HMBOX1: variants seen among roughly 807,000 people sequenced by gnomAD.
The protein encoded by HMBOX1 is homeobox containing 1.
HMBOX1 carries 14 observed loss-of-function variants against 54.5 expected under a neutral mutation model. The ratio of observed to expected loss-of-function variants is 0.26; its 90% CI spans 0.17 to 0.40. The LOEUF (loss-of-function observed/expected upper bound fraction) is 0.40, where lower values mean the gene tolerates loss of function less well. Ranked by LOEUF, HMBOX1 falls within the 10% of genes least tolerant of loss-of-function variation. HMBOX1 has a pLI of 1.00. For synonymous variants in HMBOX1, 160 were observed against 181.0 expected (o/e 0.88, Z 0.93); for missense variants, 332 against 514.4 (o/e 0.65, Z 3.43).
intron 1 of HMBOX1, among the ~76,000 whole-genome samples, chr8:28,937,748 T>G (rs751098312): frequency 2.0e-5 from 3 of 152,210 alleles, no homozygotes; most frequent in Non-Finnish European, 2.9e-5. Flanking sequence ...CTAGAAAATG[T>G]GATCGATCAT....
chr8:28,980,563 T>TA (rs1373239422), intron 4 of HMBOX1, among the ~76,000 whole-genome samples: 1 of 152,136 alleles, frequency 6.6e-6, no homozygotes, highest in East Asian at 1.9e-4. Flanking sequence ...AAGAAAGTTG[T>TA]TTTTTAAACC....
intron 5 of HMBOX1, chr8:29,010,131 G>T (rs1834036252): frequency 1.0e-6 from 1 of 979,288 alleles, no homozygotes; most frequent in African/African-American, 1.7e-5. Flanking sequence ...AAACAGAAAA[G>T]AACCTATCAA....
At chr8:28,926,248 T>C (rs1415919862) in intron 1 of HMBOX1, among the ~76,000 whole-genome samples, 1 of 151,584 alleles carries the variant, frequency 6.6e-6, no homozygotes, top group Non-Finnish European at 1.5e-5. Context: ...TGTGACTTTA[T>C]TAGAGATAAA....
At chr8:28,927,736 A>G (rs560551929) in intron 1 of HMBOX1, among the ~76,000 whole-genome samples, 11 of 151,066 alleles carry the variant, frequency 7.3e-5, no homozygotes, top group Admixed American at 6.6e-4. Flanking sequence ...AACAACTTTT[A>G]TAAAAAACTA....
At chr8:28,964,442 T>C (rs770219118) in intron 2 of HMBOX1, among the ~76,000 whole-genome samples, 31 of 152,310 alleles carry the variant, frequency 2.0e-4, no homozygotes, top group Non-Finnish European at 3.5e-4. Flanking sequence ...AGAGTGTTTT[T>C]GTGCTAGGAT....
chr8:29,031,608 C>T (rs910062244), intron 6 of HMBOX1, among the ~76,000 whole-genome samples: 1 of 151,728 alleles, frequency 6.6e-6, no homozygotes, highest in African/African-American at 2.4e-5. Flanking sequence ...CCAGGCCCTA[C>T]CCTCTTACTC....
chr8:29,051,789 C>T lies in HMBOX1; in HGVS notation c.*634C>T. The T allele has an allele frequency of 1.8e-6, 1 of 548,518 alleles. No individual in the cohort carries two copies. The highest frequency in any genetic ancestry group is 3.3e-6 in the Non-Finnish European group (1 of 298,514). The allele number at this position is 548,518 out of a possible 1,614,324, so 34.0% of individuals were successfully genotyped here. A position where few individuals can be genotyped will look rare whatever the true frequency, so the allele number is the denominator to read the frequency against. ...TCAGATTTTGTTTGAAGTTAACATG[C>T]CTGACACAGACATCCTTTCCTCTCA... On this transcript the variant is annotated 3_prime_UTR_variant, in exon 10 of 10. Coordinates refer to ENST00000287701, the MANE Select transcript of HMBOX1 (RefSeq NM_001135726.3).
chr8:28,996,509 T>C lies in HMBOX1; in HGVS notation c.587-12563T>C, dbSNP rs190373242. ...TGGCGCATGTCTGTAATCCCAGCTA[T>C]TTGGGAGGCTGAGGAAGGAGAATCA... On this transcript the variant is annotated intron_variant, in intron 4 of 9. Transcript: ENST00000287701. Among the ~76,000 whole-genome samples, 670 of 152,176 alleles carry C rather than the reference T, an allele frequency of 4.4e-3. 2 individuals are homozygous for C. The highest frequency in any genetic ancestry group is 5.8e-3 in the Non-Finnish European group (393 of 67,980).
chr8:28,968,483 A>G (rs987309030), intron 2 of HMBOX1, among the ~76,000 whole-genome samples: 2 of 152,246 alleles, frequency 1.3e-5, no homozygotes, highest in African/African-American at 4.8e-5. Flanking sequence ...GTGAAGTACA[A>G]AACTACACTG....
chr8:28,946,309 C>T (rs868024476), intron 1 of HMBOX1, among the ~76,000 whole-genome samples: 6 of 152,046 alleles, frequency 3.9e-5, no homozygotes, highest in Admixed American at 1.3e-4. Context: ...TGGCTCATGC[C>T]TGAAATCCTA....
chr8:29,018,674 T>C, intron 5 of HMBOX1, 86 bp from the exon 6 acceptor site: 4 of 1,373,050 alleles, frequency 2.9e-6, no homozygotes, highest in Non-Finnish European at 4.0e-6. Flanking sequence ...CCAAAGACCA[T>C]ACTTCCCTAG....
chr8:29,049,919 CCA>C (rs1166954934), intron 9 of HMBOX1, among the ~76,000 whole-genome samples: 9 of 152,180 alleles, frequency 5.9e-5, no homozygotes, highest in Non-Finnish European at 1.2e-4. Context: ...CCTCTGTTTA[CCA>C]CACACCTAGA....
chr8:28,952,779 A>T (rs981958088), intron 1 of HMBOX1, among the ~76,000 whole-genome samples: 10 of 152,230 alleles, frequency 6.6e-5, no homozygotes, highest in African/African-American at 2.4e-4. Flanking sequence ...TCAGTTTTTG[A>T]CAAGTACTGT....
intron 1 of HMBOX1, among the ~76,000 whole-genome samples, chr8:28,897,797 A>G (rs912564851): frequency 2.0e-5 from 3 of 152,252 alleles, no homozygotes; most frequent in Non-Finnish European, 2.9e-5. Flanking sequence ...CTATTTTGAC[A>G]TTAGTTTGGT....
At chr8:29,037,934 A>G (rs1175453626) in intron 6 of HMBOX1, among the ~76,000 whole-genome samples, 1 of 152,168 alleles carries the variant, frequency 6.6e-6, no homozygotes, top group East Asian at 1.9e-4. Context: ...ACTGAATTGT[A>G]GTTAGTGGGA....
chr8:29,009,611 A>G (rs1833964750), intron 5 of HMBOX1: 1 of 1,177,184 alleles, frequency 8.5e-7, no homozygotes, highest in Non-Finnish European at 1.1e-6. Flanking sequence ...TACCATATCC[A>G]GTGATCTCTG....
chr8:28,989,346 A>G (rs895495217), intron 4 of HMBOX1, among the ~76,000 whole-genome samples: 13 of 151,904 alleles, frequency 8.6e-5, no homozygotes, highest in East Asian at 7.7e-4. Flanking sequence ...TGTAAGTTTT[A>G]TAGTTTTAGC....
chr8:29,015,358 C>G (rs1043668247), intron 5 of HMBOX1, among the ~76,000 whole-genome samples: 2 of 152,188 alleles, frequency 1.3e-5, no homozygotes, highest in Non-Finnish European at 2.9e-5. Context: ...CTCTTTCTTT[C>G]TTTACAAGGG....
chr8:29,045,035 C>T (rs1805373106), intron 6 of HMBOX1, among the ~76,000 whole-genome samples: 1 of 152,196 alleles, frequency 6.6e-6, no homozygotes, highest in South Asian at 2.1e-4. Flanking sequence ...TAATGAAGCA[C>T]AGCAGTATGT....
Sources: gnomAD v4.1 joint callset for allele counts (sites outside exome capture counted in the v4.1 genomes callset) on GRCh38, gnomAD v4.1.1 for gene constraint, MANE v1.5 for transcripts, NCBI Gene and HGNC (gene_info 2026-07-23, HGNC 2026-07-21) for gene names.